Variants in RABEP1 observed in about 807,000 individuals in gnomAD.
RABEP1 encodes rabaptin, RAB GTPase binding effector protein 1, also known as rab GTPase-binding effector protein 1.
Under a neutral mutation model 123.4 loss-of-function variants are expected in RABEP1, and 51 were observed. The ratio of observed to expected loss-of-function variants is 0.41; its 90% CI spans 0.33 to 0.52. RABEP1 has a LOEUF of 0.52. Ranked by LOEUF, RABEP1 falls within the 20% of genes least tolerant of loss-of-function variation. The probability of loss-of-function intolerance (pLI) is 0.16; values close to 1 mark genes in which losing one functional copy is unlikely to be tolerated. For missense variants in RABEP1, 888 were observed against 996.3 expected (o/e 0.89, Z 1.46); for synonymous variants, 347 against 355.2 (o/e 0.98, Z 0.26).
chr17:5,367,561 G>A (rs1047745634), intron 11 of RABEP1, among the ~76,000 whole-genome samples: 3 of 149,810 alleles, frequency 2.0e-5, no homozygotes, highest in Non-Finnish European at 3.0e-5. Flanking sequence ...GAGTCACCGT[G>A]CCCAGCCAAG....
intron 17 of RABEP1, 25 bp downstream of exon 17, chr17:5,381,530 C>T (rs181808636): frequency 1.9e-6 from 3 of 1,606,444 alleles, no homozygotes; most frequent in East Asian, 4.5e-5. Context: ...GAACCACATA[C>T]AGAGCACGAA....
chr17:5,382,929 C>A (rs536100081), intron 17 of RABEP1, among the ~76,000 whole-genome samples, 193 bp from the exon 18 acceptor site: 2 of 144,842 alleles, frequency 1.4e-5, no homozygotes, highest in South Asian at 2.1e-4. Context: ...ACTCTCCCCC[C>A]CAAAAAAAAA....
intron 1 of RABEP1, among the ~76,000 whole-genome samples, chr17:5,290,516 TAAG>T (rs2075022984): frequency 6.6e-6 from 1 of 152,214 alleles, no homozygotes; most frequent in South Asian, 2.1e-4. Context: ...TTTATAAGCT[TAAG>T]AGAGCATATA....
chr17:5,286,266 C>T (rs1409023716), intron 1 of RABEP1, among the ~76,000 whole-genome samples: 3 of 152,170 alleles, frequency 2.0e-5, no homozygotes, highest in Non-Finnish European at 4.4e-5. Flanking sequence ...GAGGCCAAGG[C>T]AGATGGATCA....
Position 5,361,267 on chromosome 17 carries a change from A to G in RABEP1, c.1155A>G (p.Pro385=). 1.2e-6 allele frequency: 2 copies of G among 1,614,186 alleles called. No individual in the cohort carries two copies. Among genetic ancestry groups the G allele is most frequent in the South Asian group, 1.1e-5 (1 of 91,082 alleles). The change falls in exon 9 of 18, where the codon CCA becomes CCG. Residue 385 remains proline, a synonymous_variant. Coordinates refer to ENST00000537505, the MANE Select transcript of RABEP1 (RefSeq NM_004703.6). ...CCTTAGATGCAGGCTTGCTGTTGCCATCTGGAGATCCTTTCAGTAAATCGG... is the reference window on the plus strand; with the variant it reads ...CCTTAGATGCAGGCTTGCTGTTGCCGTCTGGAGATCCTTTCAGTAAATCGG... ...VHSLDAGLLL[P]SGDPFSKSDN... is the part of the protein sequence containing the mutation.
At chr17:5,349,042 CTA>C (rs1282379884) in intron 6 of RABEP1, among the ~76,000 whole-genome samples, 1 of 152,120 alleles carries the variant, frequency 6.6e-6, no homozygotes, top group Non-Finnish European at 1.5e-5. Flanking sequence ...CTGTCATTTC[CTA>C]TGTCTCTACC....
intron 15 of RABEP1, chr17:5,378,826 CCTTT>C (rs1911210582): frequency 6.3e-6 from 1 of 159,834 alleles, no homozygotes; most frequent in Non-Finnish European, 1.4e-5. Flanking sequence ...CTGAACTTCC[CCTTT>C]CATTCTGGTT....
At position 5,293,795 on chromosome 17, in the gene RABEP1, G is replaced by A. The variant is rs1029777469; in HGVS notation, c.34+11275G>A. 1.8e-4 allele frequency among the ~76,000 whole-genome samples: 28 copies of A among 152,232 alleles called. 1 individual carries two copies. The highest frequency in any genetic ancestry group is 1.4e-3 in the Admixed American group (21 of 15,270). ...TTTGACATTTTCAAAGATGTTCTCT[G>A]TCGCAAAATCAATTAGATAGCTGCT... is the stretch of plus-strand genomic sequence containing the variant. On this transcript the variant is annotated intron_variant, in intron 1 of 17. Transcript: ENST00000537505.
At position 5,352,179 on chromosome 17, in the gene RABEP1, C is replaced by T. The variant is rs1908613486; in HGVS notation, c.963+1550C>T. On this transcript the variant is annotated intron_variant, in intron 7 of 17. Transcript: ENST00000537505. ...CATTCGTCTTGTGTGTAGTCAAAGCCAACATAAGGATTTTTTTTTTTCTTT... is the reference window on the plus strand; with the variant it reads ...CATTCGTCTTGTGTGTAGTCAAAGCTAACATAAGGATTTTTTTTTTTCTTT... 2.6e-5 allele frequency among the ~76,000 whole-genome samples: 4 copies of T among 151,764 alleles called. No homozygotes were observed. The South Asian group carries it at 8.3e-4, about 32-fold the overall frequency.
At position 5,384,162 on chromosome 17, in the gene RABEP1, A is replaced by ATACTT. The variant is rs1911745278; in HGVS notation, c.*941_*945dup. 1 of 214,700 alleles carries ATACTT rather than the reference A, an allele frequency of 4.7e-6. No homozygotes were observed. The highest frequency in any genetic ancestry group is 7.1e-5 in the East Asian group (1 of 14,178). The allele number at this position is 214,700 out of a possible 1,614,324, so 13.3% of individuals were successfully genotyped here. On this transcript the variant is annotated 3_prime_UTR_variant, in exon 18 of 18. Transcript: ENST00000537505. ...ACAAAAATGGTAACTAGGTTGACAG[A>ATACTT]TACTTTGTATTTTTCTTTTGAATTC... is the stretch of plus-strand genomic sequence containing the variant.
intron 2 of RABEP1, among the ~76,000 whole-genome samples, chr17:5,329,685 ACTC>A (rs1288848786): frequency 1.2e-4 from 18 of 152,074 alleles, no homozygotes; most frequent in Non-Finnish European, 2.1e-4. Flanking sequence ...GAATGTTAGA[ACTC>A]CTACTGTTGG....
intron 9 of RABEP1, among the ~76,000 whole-genome samples, chr17:5,362,491 G>T (rs1909636811): frequency 6.6e-6 from 1 of 152,184 alleles, no homozygotes; most frequent in Non-Finnish European, 1.5e-5. Context: ...TATTCTCATT[G>T]GTCTTATGTA....
intron 2 of RABEP1, among the ~76,000 whole-genome samples, chr17:5,320,260 A>C (rs1450042994): frequency 3.3e-5 from 5 of 152,078 alleles, no homozygotes; most frequent in Non-Finnish European, 7.4e-5. Flanking sequence ...AAAATTTAAC[A>C]TCTAAGAATT....
In RABEP1 at chr17:5,354,400, C is replaced by T. The variant is rs752052785; in HGVS notation, c.1005C>T (p.His335=). The T allele has an allele frequency of 5.0e-6, 8 of 1,612,614 alleles. No individual in the cohort carries two copies. Among genetic ancestry groups the T allele is most frequent in the Non-Finnish European group, 5.9e-6 (7 of 1,179,360 alleles). ...AAAGACTCAATAAGAGAAAGGATCA[C>T]AAAAAAGCAGATGTTGAGGAAGAAA... ...EQQRLNKRKD[H]KKADVEEEIK... Residue 335 remains histidine (H), a synonymous_variant, in exon 8 of 18, where the codon CAC becomes CAT. Coordinates refer to ENST00000537505, the MANE Select transcript of RABEP1 (RefSeq NM_004703.6).
chr17:5,326,926 G>A (rs376418795), intron 2 of RABEP1, among the ~76,000 whole-genome samples: 2 of 152,316 alleles, frequency 1.3e-5, no homozygotes, highest in East Asian at 3.9e-4. Context: ...AAACCTAGAT[G>A]TTATATAGCC....
At chr17:5,347,793 C>T (rs1157578901) in intron 6 of RABEP1, among the ~76,000 whole-genome samples, 1 of 152,168 alleles carries the variant, frequency 6.6e-6, no homozygotes, top group Admixed American at 6.5e-5. Flanking sequence ...AAAAGACACT[C>T]ATATTCTTAA....
intron 14 of RABEP1, 131 bp downstream of exon 14, chr17:5,377,436 T>A: frequency 1.8e-6 from 1 of 546,432 alleles, no homozygotes; most frequent in Non-Finnish European, 3.0e-6. Context: ...CTCAGTCCAT[T>A]TTTTGTAGAT....
At chr17:5,369,151 GA>G (rs1287211836) in intron 12 of RABEP1, among the ~76,000 whole-genome samples, 2 of 151,912 alleles carry the variant, frequency 1.3e-5, no homozygotes, top group South Asian at 4.2e-4. Flanking sequence ...CAGGGGTTAT[GA>G]AAAAAAACAT....
At chr17:5,367,522 G>GCCTC (rs1235809356) in intron 11 of RABEP1, among the ~76,000 whole-genome samples, 3 of 151,542 alleles carry the variant, frequency 2.0e-5, no homozygotes, top group Admixed American at 2.0e-4. Flanking sequence ...ATCCGCCTCG[G>GCCTC]CCTCCCAAAG....
Sources: gnomAD v4.1 joint callset for allele counts (sites outside exome capture counted in the v4.1 genomes callset) on GRCh38, gnomAD v4.1.1 for gene constraint, MANE v1.5 for transcripts, NCBI Gene and HGNC (gene_info 2026-07-23, HGNC 2026-07-21) for gene names.